Variants in ROCK1 observed in about 807,000 individuals in gnomAD.
The protein encoded by ROCK1 is rho-associated protein kinase 1.
A neutral mutation model predicts 196.8 loss-of-function variants in ROCK1; 36 were observed. That is an observed-to-expected ratio of 0.18 (90% CI 0.14 to 0.24). ROCK1 has a LOEUF of 0.24. ROCK1 is among the 10% of genes least tolerant of loss of function. The probability of loss-of-function intolerance (pLI) is 1.00; values close to 1 mark genes in which losing one functional copy is unlikely to be tolerated. For synonymous variants in ROCK1, 443 were observed against 515.9 expected, an observed-to-expected ratio of 0.86 and a Z score of 1.91; for missense variants, 920 against 1,562.0, an observed-to-expected ratio of 0.59 and a Z score of 6.93.
intron 1 of ROCK1, among the ~76,000 whole-genome samples, chr18:21,095,903 G>T (rs1462947819): frequency 6.6e-6 from 1 of 151,772 alleles, no homozygotes; most frequent in African/African-American, 2.4e-5. Flanking sequence ...CATTTTCCAT[G>T]ATGTGATTAC....
intron 1 of ROCK1, among the ~76,000 whole-genome samples, chr18:21,076,782 G>A (rs1056875328): frequency 4.0e-5 from 6 of 151,868 alleles, no homozygotes; most frequent in African/African-American, 9.7e-5. Context: ...CTCCTTCACC[G>A]ACAGAAACAT....
chr18:21,104,974 C>T (rs2036691594), intron 1 of ROCK1, among the ~76,000 whole-genome samples: 1 of 152,136 alleles, frequency 6.6e-6, no homozygotes, highest in Admixed American at 6.5e-5. Flanking sequence ...CTTGAGGTGC[C>T]AGATAAATTA....
intron 4 of ROCK1, among the ~76,000 whole-genome samples, chr18:21,046,145 C>T (rs1418137069): frequency 2.6e-5 from 4 of 152,106 alleles, no homozygotes; most frequent in South Asian, 2.1e-4. Flanking sequence ...CTCCTGACCT[C>T]GTGATCCGCC....
chr18:21,042,125 T>C lies in ROCK1; in HGVS notation c.931A>G (p.Asn311Asp). 1 of 1,601,254 alleles carries C rather than the reference T, an allele frequency of 6.2e-7. No homozygotes were observed. ...DDNDISKEAK[N>D]LICAFLTDRE... ...TCAGTAAGGAAGGCACAAATAAGGT[T>C]TTTTGCTTCTTTTGATATGTCATTA... The change falls in exon 8 of 33, where the codon AAC becomes GAC. Residue 311 changes from asparagine to aspartate, a missense_variant. Physicochemically the swap from Asn to Asp is conservative, Grantham distance 23. Coordinates refer to ENST00000399799, the MANE Select transcript of ROCK1 (RefSeq NM_005406.3).
At chr18:21,063,447 G>A (rs2036308780) in intron 2 of ROCK1, among the ~76,000 whole-genome samples, 1 of 151,776 alleles carries the variant, frequency 6.6e-6, no homozygotes, top group Non-Finnish European at 1.5e-5. Flanking sequence ...GGGTGGGTTG[G>A]AAAGAATTCT....
intron 4 of ROCK1, among the ~76,000 whole-genome samples, chr18:21,048,089 G>A (rs2036176145): frequency 1.3e-5 from 2 of 152,050 alleles, no homozygotes; most frequent in African/African-American, 4.8e-5. Flanking sequence ...CCATGATTTT[G>A]CCTAAGGTAC....
chr18:20,971,345 T>TACACACAC (rs368486910), intron 22 of ROCK1, among the ~76,000 whole-genome samples: 1 of 147,544 alleles, frequency 6.8e-6, no homozygotes, highest in South Asian at 2.1e-4. Context: ...CACACACACA[T>TACACACAC]ACACACAGAA....
chr18:20,969,030 G>GT, intron 24 of ROCK1, 85 bp downstream of exon 24: 1 of 957,672 alleles, frequency 1.0e-6, no homozygotes, highest in Non-Finnish European at 1.6e-6. Context: ...ATGAAAACAG[G>GT]TATCTTAGAA....
chr18:21,052,048 G>A (rs867222933), intron 2 of ROCK1, among the ~76,000 whole-genome samples: 7 of 152,094 alleles, frequency 4.6e-5, no homozygotes, highest in African/African-American at 1.4e-4. Flanking sequence ...AGCCTGTTAC[G>A]TTGAAAAAAA....
chr18:21,029,928 C>CT (rs1303500982), intron 9 of ROCK1, among the ~76,000 whole-genome samples: 1 of 152,006 alleles, frequency 6.6e-6, no homozygotes, highest in Non-Finnish European at 1.5e-5. Context: ...ACCTCATGTT[C>CT]TTTTAGGGAA....
At chr18:20,996,216 G>A (rs2035668978) in intron 16 of ROCK1, among the ~76,000 whole-genome samples, 2 of 152,064 alleles carry the variant, frequency 1.3e-5, no homozygotes, top group South Asian at 4.1e-4. Flanking sequence ...TTAACAAAAA[G>A]ACTGAAATAA....
intron 20 of ROCK1, among the ~76,000 whole-genome samples, chr18:20,984,104 G>T (rs1044425746): frequency 6.6e-6 from 1 of 152,192 alleles, no homozygotes; most frequent in African/African-American, 2.4e-5. Context: ...CGTGATTTTT[G>T]TAATTCTAAC....
intron 31 of ROCK1, among the ~76,000 whole-genome samples, chr18:20,954,433 G>A (rs1345750002): frequency 6.0e-5 from 9 of 148,912 alleles, no homozygotes; most frequent in Non-Finnish European, 1.2e-4. Flanking sequence ...AAAATTAGCC[G>A]GGTGTGGTGG....
Position 21,008,115 on chromosome 18 carries a change from T to C in ROCK1, c.1490A>G (p.Glu497Gly). The change falls in exon 14 of 33, where the codon GAG (glutamate) becomes GGG (glycine). Residue 497 changes from glutamate to glycine, a missense_variant. Transcript: ENST00000399799. ...EKMLLQHRIN[E>G]YQRKAEQENE... ...TTCCTGTTCAGCTTTTCTTTGGTAC[T>C]CATTAATTCTATGCTGTAGCAACAT... 1 of 1,604,336 alleles carries C rather than the reference T, an allele frequency of 6.2e-7. No homozygotes were observed. Among genetic ancestry groups the C allele is most frequent in the Non-Finnish European group, 8.5e-7 (1 of 1,173,462 alleles).
At chr18:21,015,520 T>G in intron 12 of ROCK1, 41 bp from the exon 13 acceptor site, 1 of 1,252,370 alleles carries the variant, frequency 8.0e-7, no homozygotes, top group Non-Finnish European at 1.2e-6. Flanking sequence ...ATATACGTAT[T>G]TCTTATTGCC....
At chr18:21,017,765 G>A (rs2035876605) in intron 12 of ROCK1, among the ~76,000 whole-genome samples, 1 of 151,850 alleles carries the variant, frequency 6.6e-6, no homozygotes, top group Non-Finnish European at 1.5e-5. Context: ...AAGGCCAGGA[G>A]ATCGAGACCA....
rs753709505 is a variant in ROCK1, at chr18:20,991,237, G to A, written c.2082C>T (p.Thr694=). 1 of 1,612,770 alleles carries A rather than the reference G, an allele frequency of 6.2e-7. No individual in the cohort carries two copies. The highest frequency in any genetic ancestry group is 8.5e-7 in the Non-Finnish European group (1 of 1,179,376). The change falls in exon 18 of 33, where the codon ACC becomes ACT. Residue 694 remains threonine (T), a synonymous_variant. Coordinates refer to ENST00000399799, the MANE Select transcript of ROCK1 (RefSeq NM_005406.3). ...LEQEVNEHKV[T]KARLTDKHQS... is the part of the protein sequence containing the mutation. Reference sequence around the variant, plus strand: ...GATGTTTGTCAGTTAAACGAGCTTTGGTTACTTTGTGTTCATTTACCTCTT... The same window carrying A: ...GATGTTTGTCAGTTAAACGAGCTTTAGTTACTTTGTGTTCATTTACCTCTT...
intron 20 of ROCK1, 28 bp from the exon 21 acceptor site, chr18:20,982,860 C>A: frequency 1.9e-6 from 2 of 1,078,252 alleles, no homozygotes; most frequent in South Asian, 2.7e-5. Flanking sequence ...AACAAGTGAA[C>A]AAACGCTCCT....
In ROCK1 at chr18:21,044,236, T is replaced by C. The variant is rs762498211; in HGVS notation, c.591-50A>G. 5 of 1,388,402 alleles carry C rather than the reference T, an allele frequency of 3.6e-6. No individual in the cohort carries two copies. The South Asian group carries it at 6.1e-5, about 17-fold the overall frequency. 86.0% of individuals were successfully genotyped at this position (1,388,402 alleles called of 1,614,324 possible). A position where few individuals can be genotyped will look rare whatever the true frequency, so the allele number is the denominator to read the frequency against. ...GTATTTTCTGAAACAGATTAGACAC[T>C]GTAAAAATTATATGAGGCAGTTATT... On this transcript the variant is annotated intron_variant, in intron 5 of 32. Coordinates refer to ENST00000399799, the MANE Select transcript of ROCK1 (RefSeq NM_005406.3).
Sources: allele counts gnomAD v4.1 joint callset (sites outside exome capture counted in the v4.1 genomes callset), GRCh38; gene constraint gnomAD v4.1.1; transcripts MANE v1.5; gene names NCBI Gene and HGNC (gene_info 2026-07-23, HGNC 2026-07-21).